The following VPS53 variants were observed in gnomAD, a reference collection of about 807,000 sequenced individuals.
VPS53 encodes VPS53 subunit of GARP complex.
A neutral mutation model predicts 107.0 loss-of-function variants in VPS53; 70 were observed. The observed-to-expected ratio is 0.65, with a 90% CI of 0.54 to 0.80. The LOEUF (loss-of-function observed/expected upper bound fraction) is 0.80, where lower values mean the gene tolerates loss of function less well. VPS53 is among the 30% of genes least tolerant of loss of function. The pLI, the probability that VPS53 is intolerant of heterozygous loss-of-function variation, is 0.00. For missense variants in VPS53, 917 were observed against 1,049.4 expected, an observed-to-expected ratio of 0.87 and a Z score of 1.74; for synonymous variants, 409 against 393.3, an observed-to-expected ratio of 1.04 and a Z score of -0.47.
chr17:659,131 A>G (rs1971339994), intron 5 of VPS53, among the ~76,000 whole-genome samples: 1 of 152,148 alleles, frequency 6.6e-6, no homozygotes, highest in Non-Finnish European at 1.5e-5. Flanking sequence ...GGAGTGGTAT[A>G]ATAAATTAGA....
intron 15 of VPS53, among the ~76,000 whole-genome samples, chr17:560,003 C>T (rs1355273479): frequency 6.6e-6 from 1 of 152,226 alleles, no homozygotes; most frequent in Non-Finnish European, 1.5e-5. Flanking sequence ...TCAGAAGACA[C>T]ATAAAAGCCC....
At chr17:528,116 A>G (rs1909257607) in intron 19 of VPS53, among the ~76,000 whole-genome samples, 1 of 152,232 alleles carries the variant, frequency 6.6e-6, no homozygotes, top group Non-Finnish European at 1.5e-5. Context: ...TTCAAAAACC[A>G]TAAAATTTAC....
At chr17:540,204 T>C (rs895424561) in intron 17 of VPS53, among the ~76,000 whole-genome samples, 2 of 152,044 alleles carry the variant, frequency 1.3e-5, no homozygotes, top group Non-Finnish European at 2.9e-5. Flanking sequence ...TCATTTTTTT[T>C]TGAGACAGAG....
chr17:633,185 G>T (rs1970033473), intron 7 of VPS53, among the ~76,000 whole-genome samples: 1 of 152,092 alleles, frequency 6.6e-6, no homozygotes, highest in South Asian at 2.1e-4. Context: ...CCCCGCAATG[G>T]ATCAGGCCCC....
At chr17:531,773 C>CTTTTTTTTT (rs71145747) in intron 19 of VPS53, among the ~76,000 whole-genome samples, 12 of 86,676 alleles carry the variant, frequency 1.4e-4, no homozygotes, top group Admixed American at 1.7e-4. Context: ...GGGATTTATT[C>CTTTTTTTTT]TTTTTTTTTT....
intron 13 of VPS53, among the ~76,000 whole-genome samples, chr17:578,499 T>G (rs539133987): frequency 7.9e-6 from 1 of 126,822 alleles, no homozygotes; most frequent in Non-Finnish European, 1.7e-5. Flanking sequence ...AATGCATTCC[T>G]AGAGAACTTC....
In VPS53 at chr17:548,580, A is replaced by ATC. The variant is rs1597280649; in HGVS notation, c.1866+3291_1866+3292insGA. On this transcript the variant is annotated intron_variant, in intron 17 of 21. Coordinates refer to ENST00000437048, the MANE Select transcript of VPS53 (RefSeq NM_001128159.3). ...TTGGCCAGCCAACAGTCCTTCTGGA[A>ATC]ATATCCAACGACTACACTCCACTTT... Among the ~76,000 whole-genome samples the ATC allele has an allele frequency of 2.0e-4, 21 of 106,906 alleles. 3 individuals carry two copies. The highest frequency in any genetic ancestry group is 4.8e-4 in the African/African-American group (13 of 27,106). 70.1% of individuals were successfully genotyped at this position (106,906 alleles called of 152,430 possible).
intron 1 of VPS53, 107 bp downstream of exon 1, chr17:714,516 C>A: frequency 9.1e-7 from 1 of 1,101,854 alleles, no homozygotes; most frequent in Non-Finnish European, 1.3e-6. Context: ...TCCCTTCTGC[C>A]GCGAGCCCCC....
At chr17:677,883 C>G (rs1435038686) in intron 4 of VPS53, among the ~76,000 whole-genome samples, 2 of 151,956 alleles carry the variant, frequency 1.3e-5, no homozygotes, top group Non-Finnish European at 2.9e-5. Context: ...ATTTAAAAGG[C>G]TGAGGCAGGA....
intron 11 of VPS53, among the ~76,000 whole-genome samples, chr17:622,166 C>T (rs916598515): frequency 3.3e-5 from 5 of 151,862 alleles, no homozygotes; most frequent in African/African-American, 4.8e-5. Flanking sequence ...GGGCCGATAT[C>T]GCCCCACTGC....
At chr17:633,572 G>A (rs965592254) in intron 7 of VPS53, among the ~76,000 whole-genome samples, 15 of 152,076 alleles carry the variant, frequency 9.9e-5, no homozygotes, top group African/African-American at 2.7e-4. Context: ...TTTCCGTGGC[G>A]TGGTTACAAT....
intron 10 of VPS53, among the ~76,000 whole-genome samples, chr17:626,708 C>T (rs1448042746): frequency 6.6e-6 from 1 of 152,170 alleles, no homozygotes; most frequent in East Asian, 1.9e-4. Flanking sequence ...AGAGGCTATA[C>T]ACACTGTATT....
intron 12 of VPS53, among the ~76,000 whole-genome samples, chr17:590,314 C>T (rs1387158177): frequency 3.3e-5 from 5 of 152,122 alleles, no homozygotes; most frequent in Non-Finnish European, 5.9e-5. Flanking sequence ...ACAATCATGT[C>T]GTCTGCAAAC....
intron 11 of VPS53, among the ~76,000 whole-genome samples, chr17:619,767 T>TAGCTGGGACTACAGGCGC (rs1969382135): frequency 2.6e-5 from 2 of 76,536 alleles, no homozygotes; most frequent in Admixed American, 1.6e-4. Flanking sequence ...ACTACAGGCG[T>TAGCTGGGACTACAGGCGC]GCACCACCAC....
intron 7 of VPS53, among the ~76,000 whole-genome samples, chr17:652,005 A>AT (rs397967122): frequency 0.014 from 2,023 of 142,190 alleles, 26 homozygotes; most frequent in African/African-American, 0.033. Context: ...GGTTCACTGT[A>AT]TTTTTTTTTT....
intron 6 of VPS53, among the ~76,000 whole-genome samples, chr17:654,996 G>A (rs950753045): frequency 1.3e-5 from 2 of 151,160 alleles, no homozygotes; most frequent in Non-Finnish European, 2.9e-5. Flanking sequence ...CCAATACCTA[G>A]AGAGGTCAGG....
At chr17:695,139 C>G (rs1381482022) in intron 4 of VPS53, among the ~76,000 whole-genome samples, 1 of 152,036 alleles carries the variant, frequency 6.6e-6, no homozygotes, top group African/African-American at 2.4e-5. Context: ...CAAGGGAGAC[C>G]CCAAAAGCCA....
chr17:597,541 G>A (rs1041730802), intron 12 of VPS53, among the ~76,000 whole-genome samples: 2 of 152,064 alleles, frequency 1.3e-5, no homozygotes, highest in Non-Finnish European at 2.9e-5. Flanking sequence ...GCTAGATTAG[G>A]GGGTTTAGTT....
In VPS53 at chr17:517,126, TGGGGGCATCTACA is replaced by T. The variant is rs1908367236; in HGVS notation, c.*1989_*2001del. On this transcript the variant is annotated 3_prime_UTR_variant, in exon 22 of 22. Transcript: ENST00000437048. ...ACCATAGCAACTCCATGGGCTGGGG[TGGGGGCATCTACA>T]GGGCTTCCTGGGGGCTCTCCCGACT... is the stretch of plus-strand genomic sequence containing the variant. 4.0e-6 allele frequency: 1 copy of T among 249,076 alleles called. No individual in the cohort carries two copies. Among genetic ancestry groups the T allele is most frequent in the Admixed American group, 5.5e-5 (1 of 18,138 alleles). The allele number at this position is 249,076 out of a possible 1,614,324, so 15.4% of individuals were successfully genotyped here. A position where few individuals can be genotyped will look rare whatever the true frequency, so the allele number is the denominator to read the frequency against.
Sources: gnomAD v4.1 joint callset for allele counts (sites outside exome capture counted in the v4.1 genomes callset) on GRCh38, gnomAD v4.1.1 for gene constraint, MANE v1.5 for transcripts, NCBI Gene and HGNC (gene_info 2026-07-23, HGNC 2026-07-21) for gene names.